Variants in ATP2C2 observed in about 807,000 individuals in gnomAD.
ATP2C2 encodes the protein ATPase secretory pathway Ca2+ transporting 2, also known as calcium-transporting ATPase type 2C member 2.
In ATP2C2, 171 loss-of-function variants were observed where a neutral mutation model predicts 110.8. The observed-to-expected ratio is 1.54, with a 90% CI of 1.36 to 1.75. ATP2C2 has a LOEUF of 1.75. Ranked by LOEUF, ATP2C2 falls within the 40% of genes most tolerant of loss-of-function variation. ATP2C2 has a pLI of 0.00. For synonymous variants in ATP2C2, 804 were observed against 508.4 expected (o/e 1.58, Z -7.82); for missense variants, 1,963 against 1,235.0 (o/e 1.59, Z -8.84).
intron 1 of ATP2C2, among the ~76,000 whole-genome samples, chr16:84,372,440 G>A (rs990761056): frequency 6.6e-6 from 1 of 152,120 alleles, no homozygotes; most frequent in African/African-American, 2.4e-5. Context: ...ACCCCACAGT[G>A]TTTTTTCTTT....
At chr16:84,461,936 G>A (rs116806343) in intron 25 of ATP2C2, 52 bp from the exon 26 acceptor site, 1 of 1,608,402 alleles carries the variant, frequency 6.2e-7, no homozygotes, top group Non-Finnish European at 8.5e-7. Context: ...TCCCCTGCCT[G>A]TACCTGGGGT....
chr16:84,420,212 C>T (rs1042599384), intron 7 of ATP2C2, among the ~76,000 whole-genome samples: 4 of 152,114 alleles, frequency 2.6e-5, no homozygotes, highest in Admixed American at 6.5e-5. Flanking sequence ...GCTTGTTTAT[C>T]GTCATTTCCC....
intron 15 of ATP2C2, among the ~76,000 whole-genome samples, chr16:84,444,108 A>T (rs1247217898): frequency 1.3e-5 from 2 of 148,206 alleles, no homozygotes; most frequent in African/African-American, 5.1e-5. Context: ...CTGAGGCTGC[A>T]ATGAGCTATG....
chr16:84,449,269 G>C (rs1910037889), intron 17 of ATP2C2, among the ~76,000 whole-genome samples: 1 of 152,242 alleles, frequency 6.6e-6, no homozygotes, highest in South Asian at 2.1e-4. Context: ...TCCCCTTCGG[G>C]GAACAGAGTT....
At chr16:84,419,001 G>C (rs1477013129) in intron 7 of ATP2C2, among the ~76,000 whole-genome samples, 1 of 151,960 alleles carries the variant, frequency 6.6e-6, no homozygotes, top group Non-Finnish European at 1.5e-5. Context: ...CTGAGGTCAG[G>C]AGTTGGAGAC....
At chr16:84,448,846 C>G (rs1422527627) in intron 17 of ATP2C2, among the ~76,000 whole-genome samples, 157 bp downstream of exon 17, 1 of 152,196 alleles carries the variant, frequency 6.6e-6, no homozygotes, top group Non-Finnish European at 1.5e-5. Context: ...CTGATGGTCA[C>G]ATGAAAGGCA....
At chr16:84,460,406 G>A (rs779085744) in intron 23 of ATP2C2, 1 of 573,310 alleles carries the variant, frequency 1.7e-6, no homozygotes, top group South Asian at 2.0e-5. Context: ...GTGTGTGGTT[G>A]GCCTTACGGG....
chr16:84,435,362 G>C (rs117993402), intron 11 of ATP2C2, among the ~76,000 whole-genome samples: 2 of 152,206 alleles, frequency 1.3e-5, no homozygotes, highest in Non-Finnish European at 1.5e-5. Flanking sequence ...TGGTCTCTCT[G>C]TGTGATCCTG....
rs533445597 is a variant in ATP2C2 at position 84,452,030 on chromosome 16, C to G, written c.1770C>G (p.Ser590=). Residue 590 remains serine (S), a synonymous_variant, in exon 18 of 27, where the codon TCC becomes TCG. Coordinates refer to ENST00000262429, the MANE Select transcript of ATP2C2 (RefSeq NM_014861.4). ...VGVKEAVQVL[S]ESGVSVKMIT... Reference sequence around the variant, plus strand: ...TGAAGGAAGCAGTCCAGGTTCTCTCCGAGTCTGGTGTGTCTGTGAAGATGA... The same window carrying G: ...TGAAGGAAGCAGTCCAGGTTCTCTCGGAGTCTGGTGTGTCTGTGAAGATGA... 3 of 1,613,736 alleles carry G rather than the reference C, an allele frequency of 1.9e-6. No homozygotes were observed. Among genetic ancestry groups the G allele is most frequent in the Non-Finnish European group, 1.7e-6 (2 of 1,179,960 alleles).
intron 2 of ATP2C2, among the ~76,000 whole-genome samples, chr16:84,400,909 C>G (rs555851100): frequency 6.6e-6 from 1 of 152,158 alleles, no homozygotes; most frequent in East Asian, 1.9e-4. Context: ...ATTTTAAAAA[C>G]AGATTATTAG....
At chr16:84,459,223 C>T in intron 22 of ATP2C2, 35 bp downstream of exon 22, 1 of 1,614,146 alleles carries the variant, frequency 6.2e-7, no homozygotes, top group Non-Finnish European at 8.5e-7. Context: ...TGTCATTAAG[C>T]ACCACGCCTG....
intron 1 of ATP2C2, among the ~76,000 whole-genome samples, chr16:84,392,154 G>A (rs1317419717): frequency 2.0e-5 from 3 of 151,940 alleles, no homozygotes; most frequent in Non-Finnish European, 4.4e-5. Context: ...TGCCAATGAG[G>A]GGAGCCAATC....
chr16:84,413,458 G>A (rs865836071), intron 6 of ATP2C2, among the ~76,000 whole-genome samples: 12 of 152,190 alleles, frequency 7.9e-5, no homozygotes, highest in East Asian at 1.9e-4. Flanking sequence ...TAGAAGGGCC[G>A]CGGGAGCAGT....
At chr16:84,431,814 G>A (rs934143042) in intron 11 of ATP2C2, among the ~76,000 whole-genome samples, 14 of 152,184 alleles carry the variant, frequency 9.2e-5, no homozygotes, top group African/African-American at 2.9e-4. Flanking sequence ...TTTGGAAGCA[G>A]AGAGATGAAA....
At chr16:84,380,571 T>C (rs1204538603) in intron 1 of ATP2C2, among the ~76,000 whole-genome samples, 1 of 152,216 alleles carries the variant, frequency 6.6e-6, no homozygotes, top group Non-Finnish European at 1.5e-5. Context: ...CACTGTTTGC[T>C]TGGGTGTTCT....
At chr16:84,441,550 G>T (rs1909260114) in intron 14 of ATP2C2, among the ~76,000 whole-genome samples, 2 of 152,148 alleles carry the variant, frequency 1.3e-5, no homozygotes, top group African/African-American at 4.8e-5. Flanking sequence ...AGTTCAGTGA[G>T]CGCCACTTGC....
chr16:84,442,825 G>A (rs796921293), intron 15 of ATP2C2, among the ~76,000 whole-genome samples: 3 of 152,290 alleles, frequency 2.0e-5, no homozygotes, highest in African/African-American at 7.2e-5. Context: ...CTCCACCAGC[G>A]ATTCCAAAAG....
intron 1 of ATP2C2, among the ~76,000 whole-genome samples, chr16:84,393,704 G>A (rs1904797629): frequency 6.7e-6 from 1 of 149,214 alleles, no homozygotes; most frequent in Non-Finnish European, 1.5e-5. Flanking sequence ...AGGGGAGGAG[G>A]ATAGAGGATG....
chr16:84,454,873 C>T lies in ATP2C2; in HGVS notation c.2036C>T (p.Ala679Val). ...ATGACTGGGGATGGGGTGAACGACG[C>T]AGTGGCCCTGAAGTCTGCAGACATT... ...VAMTGDGVND[A>V]VALKSADIGI... The change falls in exon 21 of 27, where the codon GCA becomes GTA. Residue 679 changes from alanine to valine, a missense_variant. Transcript: ENST00000262429. 6.2e-7 allele frequency: 1 copy of T among 1,613,774 alleles called. No individual in the cohort carries two copies. The highest frequency in any genetic ancestry group is 8.5e-7 in the Non-Finnish European group (1 of 1,179,870).
Sources: allele counts gnomAD v4.1 joint callset (sites outside exome capture counted in the v4.1 genomes callset), GRCh38; gene constraint gnomAD v4.1.1; transcripts MANE v1.5; gene names NCBI Gene and HGNC (gene_info 2026-07-23, HGNC 2026-07-21).